TGM6: variants seen among roughly 807,000 people sequenced by gnomAD.
The protein encoded by TGM6 is protein-glutamine gamma-glutamyltransferase 6.
TGM6 carries 74 observed loss-of-function variants against 77.5 expected under a neutral mutation model. The observed-to-expected ratio is 0.96, with a 90% CI of 0.79 to 1.16. TGM6 has a LOEUF of 1.16. Among genes scored for constraint, TGM6 ranks in the 50% most tolerant of loss-of-function variants. The pLI is 0.00. For missense variants in TGM6, 968 were observed against 940.2 expected, an observed-to-expected ratio of 1.03 and a Z score of -0.39; for synonymous variants, 383 against 378.9, an observed-to-expected ratio of 1.01 and a Z score of -0.12.
chr20:2,397,624 G>A (rs1407411325), intron 4 of TGM6, among the ~76,000 whole-genome samples: 1 of 152,202 alleles, frequency 6.6e-6, no homozygotes, highest in Non-Finnish European at 1.5e-5. Flanking sequence ...CAGCGAGGTG[G>A]ATGTGGCTCG....
chr20:2,396,948 C>T (rs966826461), intron 4 of TGM6, among the ~76,000 whole-genome samples: 1 of 152,192 alleles, frequency 6.6e-6, no homozygotes, highest in Non-Finnish European at 1.5e-5. Flanking sequence ...ACCCCACCCC[C>T]AGAGCTGCCG....
Position 2,399,731 on chromosome 20 carries a change from G to A in TGM6, c.843G>A (p.Leu281=). The change falls in exon 6 of 13, where the codon CTG becomes CTA. Residue 281 remains leucine (L), a synonymous_variant. Coordinates refer to ENST00000202625, the MANE Select transcript of TGM6 (RefSeq NM_198994.3). Reference sequence around the variant, plus strand: ...AGTGCTGGGTCTTCGCCGGAGTCCTGTGCACAGGTACCCTGGGAGAGAAGG... The same window carrying A: ...AGTGCTGGGTCTTCGCCGGAGTCCTATGCACAGGTACCCTGGGAGAGAAGG... ...YGQCWVFAGV[L]CTVLRCLGIA... 1 of 1,613,608 alleles carries A rather than the reference G, an allele frequency of 6.2e-7. No homozygotes were observed. Among genetic ancestry groups the A allele is most frequent in the Non-Finnish European group, 8.5e-7 (1 of 1,179,776 alleles).
intron 2 of TGM6, 39 bp downstream of exon 2, chr20:2,394,664 T>C (rs369298667): frequency 9.9e-5 from 156 of 1,572,302 alleles, no homozygotes; most frequent in Non-Finnish European, 1.2e-4. Context: ...CGTCTGCAGC[T>C]GGAGGGACCT....
intron 9 of TGM6, 59 bp from the exon 10 acceptor site, chr20:2,417,173 C>T (rs1366807871): frequency 6.7e-7 from 1 of 1,493,118 alleles, no homozygotes; most frequent in Admixed American, 2.0e-5. Flanking sequence ...TTCCATGAGC[C>T]ATAGTAAATT....
chr20:2,404,108 G>A (rs2084733893), intron 9 of TGM6, among the ~76,000 whole-genome samples: 1 of 152,166 alleles, frequency 6.6e-6, no homozygotes, highest in Non-Finnish European at 1.5e-5. Context: ...ACTGCATTAG[G>A]TATGTTCACA....
At chr20:2,393,005 T>C (rs186054353) in intron 1 of TGM6, among the ~76,000 whole-genome samples, 121 of 152,302 alleles carry the variant, frequency 7.9e-4, no homozygotes, top group African/African-American at 1.7e-3. Flanking sequence ...CCATACAGTC[T>C]CACCGCACCA....
At chr20:2,429,653 C>T (rs999048301) in intron 10 of TGM6, among the ~76,000 whole-genome samples, 1 of 151,924 alleles carries the variant, frequency 6.6e-6, no homozygotes, top group Non-Finnish European at 1.5e-5. Context: ...CCTGTAGTCC[C>T]AGCTACTCAA....
At chr20:2,390,047 T>C (rs1300112619) in intron 1 of TGM6, among the ~76,000 whole-genome samples, 1 of 152,194 alleles carries the variant, frequency 6.6e-6, no homozygotes, top group Non-Finnish European at 1.5e-5. Flanking sequence ...CCCTGCTTCT[T>C]TGAACTCTCC....
chr20:2,387,398 T>A (rs1319800869), intron 1 of TGM6, among the ~76,000 whole-genome samples: 2 of 152,014 alleles, frequency 1.3e-5, no homozygotes, highest in Non-Finnish European at 2.9e-5. Flanking sequence ...CCACATGGGG[T>A]CACTGTTGAA....
chr20:2,397,427 G>A, intron 4 of TGM6, among the ~76,000 whole-genome samples: 1 of 152,188 alleles, frequency 6.6e-6, no homozygotes, highest in East Asian at 1.9e-4. Flanking sequence ...GGGCAGGGAA[G>A]TTATAGTGAA....
At chr20:2,422,822 C>T (rs931089024) in intron 10 of TGM6, among the ~76,000 whole-genome samples, 2 of 151,706 alleles carry the variant, frequency 1.3e-5, no homozygotes, top group Non-Finnish European at 2.9e-5. Context: ...CATGGTGGTA[C>T]ACACCTGTTG....
At chr20:2,423,795 T>C (rs1879512797) in intron 10 of TGM6, among the ~76,000 whole-genome samples, 2 of 152,222 alleles carry the variant, frequency 1.3e-5, no homozygotes. Flanking sequence ...CTTTATGAAA[T>C]GTATTTCTTA....
chr20:2,423,403 C>T lies in TGM6; in HGVS notation c.1678+5830C>T, dbSNP rs574027936. Reference sequence around the variant, plus strand: ...AAATCTTTTGTTGCCATTTCAACAACGTTTAGAGCATCTTCACCAGGAGTA... The same window carrying T: ...AAATCTTTTGTTGCCATTTCAACAATGTTTAGAGCATCTTCACCAGGAGTA... On this transcript the variant is annotated intron_variant, in intron 10 of 12. Coordinates refer to ENST00000202625, the MANE Select transcript of TGM6 (RefSeq NM_198994.3). Among the ~76,000 whole-genome samples, 107 of 152,184 alleles carry T rather than the reference C, an allele frequency of 7.0e-4. 1 individual carries two copies. The highest frequency in any genetic ancestry group is 3.3e-3 in the South Asian group (16 of 4,828).
At chr20:2,395,552 G>A in intron 3 of TGM6, 116 bp downstream of exon 3, 1 of 1,579,600 alleles carries the variant, frequency 6.3e-7, no homozygotes, top group Non-Finnish European at 8.7e-7. Context: ...AATGCCAAGA[G>A]CTGGGCAAGA....
intron 10 of TGM6, among the ~76,000 whole-genome samples, chr20:2,421,919 A>T (rs1382485015): frequency 2.0e-5 from 3 of 151,964 alleles, no homozygotes; most frequent in Non-Finnish European, 4.4e-5. Context: ...ATCACTTGAG[A>T]TCAGGAGTTT....
chr20:2,398,075 T>C (rs1338748026), intron 5 of TGM6, 29 bp downstream of exon 5: 1 of 1,614,144 alleles, frequency 6.2e-7, no homozygotes, highest in Non-Finnish European at 8.5e-7. Context: ...CCTGCACATG[T>C]ACTTCCTCAA....
At chr20:2,430,000 C>A (rs560537646) in intron 10 of TGM6, among the ~76,000 whole-genome samples, 1 of 152,248 alleles carries the variant, frequency 6.6e-6, no homozygotes, top group South Asian at 2.1e-4. Context: ...AGGGAATTGG[C>A]CTCACAGGAT....
chr20:2,391,878 C>T (rs2084631430), intron 1 of TGM6, among the ~76,000 whole-genome samples: 1 of 152,240 alleles, frequency 6.6e-6, no homozygotes, highest in Non-Finnish European at 1.5e-5. Context: ...GCCTTCCCCA[C>T]ACATCTGCTT....
rs752383362 is a variant in TGM6, at chr20:2,403,746, T to C, written c.1259T>C (p.Ile420Thr). The change falls in exon 9 of 13, where the codon ATT (isoleucine) becomes ACT (threonine). Residue 420 changes from isoleucine to threonine, a missense_variant. By Grantham distance (89) the Ile-to-Thr change is moderately conservative (BLOSUM62 -1). Transcript: ENST00000202625. The stretch of plus-strand genomic sequence containing the variant: ...CGTGTATACTCAAACACGAAGAAGA[T>C]TGGGAGATGCATCAGCACCAAGGCG... ...RERVYSNTKK[I>T]GRCISTKAVG... The C allele has an allele frequency of 1.1e-5, 17 of 1,614,044 alleles. No homozygotes were observed. The highest frequency in any genetic ancestry group is 1.4e-5 in the Non-Finnish European group (16 of 1,180,040).
Sources: gnomAD v4.1 joint callset for allele counts (sites outside exome capture counted in the v4.1 genomes callset) on GRCh38, gnomAD v4.1.1 for gene constraint, MANE v1.5 for transcripts, NCBI Gene and HGNC (gene_info 2026-07-23, HGNC 2026-07-21) for gene names.